Variants in TMEFF2 observed in about 807,000 individuals in gnomAD.
The protein encoded by TMEFF2 is tomoregulin-2.
Under a neutral mutation model 53.8 loss-of-function variants are expected in TMEFF2, and 28 were observed. The observed-to-expected ratio is 0.52, with a 90% confidence interval of 0.39 to 0.71. TMEFF2 has a LOEUF of 0.71. TMEFF2 is among the 30% of genes least tolerant of loss of function. TMEFF2 has a pLI of 0.00. For synonymous variants in TMEFF2, 162 were observed against 166.3 expected (o/e 0.97, Z 0.20); for missense variants, 353 against 455.2 (o/e 0.78, Z 2.04).
At chr2:192,147,869 T>C (rs1440142871) in intron 4 of TMEFF2, among the ~76,000 whole-genome samples, 1 of 152,034 alleles carries the variant, frequency 6.6e-6, no homozygotes, top group Non-Finnish European at 1.5e-5. Context: ...GATACAGTAG[T>C]GTATTAACAT....
intron 4 of TMEFF2, among the ~76,000 whole-genome samples, chr2:192,153,520 G>T (rs887178957): frequency 6.6e-6 from 1 of 151,822 alleles, no homozygotes; most frequent in Non-Finnish European, 1.5e-5. Flanking sequence ...TACCCTGTTT[G>T]TGATAGAGCA....
intron 5 of TMEFF2, among the ~76,000 whole-genome samples, chr2:192,000,867 A>G (rs886258212): frequency 6.6e-6 from 1 of 152,198 alleles, no homozygotes; most frequent in Admixed American, 6.5e-5. Flanking sequence ...AACCATCTCT[A>G]AACACTTAAC....
chr2:191,963,435 C>G (rs1183928441), intron 7 of TMEFF2, among the ~76,000 whole-genome samples: 1 of 152,150 alleles, frequency 6.6e-6, no homozygotes, highest in Non-Finnish European at 1.5e-5. Context: ...CCCATCTACT[C>G]TAGTCTTCTG....
intron 7 of TMEFF2, among the ~76,000 whole-genome samples, chr2:191,968,651 A>G (rs1692536402): frequency 1.3e-5 from 2 of 152,104 alleles, no homozygotes; most frequent in African/African-American, 4.8e-5. Flanking sequence ...AGTGGATTAA[A>G]CCAAATTATA....
At chr2:192,002,476 AT>A (rs55957603) in intron 5 of TMEFF2, among the ~76,000 whole-genome samples, 2,759 of 144,514 alleles carry the variant, frequency 0.019, 26 homozygotes, top group South Asian at 0.03. Context: ...TATGGAGAAT[AT>A]TTTTTTTTTT....
At chr2:192,170,401 A>G (rs1203390136) in intron 4 of TMEFF2, among the ~76,000 whole-genome samples, 1 of 152,084 alleles carries the variant, frequency 6.6e-6, no homozygotes. Context: ...TGTTGCCAGG[A>G]CCAAATATAT....
chr2:191,956,446 A>G lies in TMEFF2; in HGVS notation c.746-68T>C, dbSNP rs1162970638. The stretch of plus-strand genomic sequence containing the variant: ...GCCTGGTAAGATCAACCAGTACATT[A>G]AGAAGCAAAGCTATGGTAGGCAAAG... On this transcript the variant is annotated intron_variant, in intron 7 of 9. Transcript: ENST00000272771. The G allele has an allele frequency of 4.6e-6, 7 of 1,522,350 alleles. No individual in the cohort carries two copies. In the African/African-American group the frequency reaches 9.7e-5, roughly 21 times the overall value. 94.3% of individuals were successfully genotyped at this position (1,522,350 alleles called of 1,614,324 possible).
At chr2:192,035,509 C>T (rs1052863643) in intron 5 of TMEFF2, 1 of 152,096 alleles carries the variant, frequency 6.6e-6, no homozygotes, top group Non-Finnish European at 1.5e-5. Context: ...GTTTTTTCTT[C>T]TATGGTTTAT....
At chr2:192,133,323 C>G (rs979093834) in intron 4 of TMEFF2, among the ~76,000 whole-genome samples, 7 of 152,100 alleles carry the variant, frequency 4.6e-5, no homozygotes, top group Admixed American at 2.6e-4. Context: ...TAAGATACCT[C>G]TACTCCTTCC....
chr2:192,103,352 C>T (rs1188769532), intron 4 of TMEFF2, among the ~76,000 whole-genome samples: 1 of 152,104 alleles, frequency 6.6e-6, no homozygotes, highest in Non-Finnish European at 1.5e-5. Flanking sequence ...GATTTTTTCT[C>T]ATATCCTGTT....
intron 4 of TMEFF2, among the ~76,000 whole-genome samples, chr2:192,103,116 A>G (rs1689070989): frequency 6.6e-6 from 1 of 152,094 alleles, no homozygotes; most frequent in Non-Finnish European, 1.5e-5. Context: ...TCTATCAATG[A>G]TACTCACTGT....
At position 192,194,314 on chromosome 2, in the gene TMEFF2, G is replaced by C; in HGVS notation, c.172+39C>G. On this transcript the variant is annotated intron_variant, in intron 1 of 9. Coordinates refer to ENST00000272771, the MANE Select transcript of TMEFF2 (RefSeq NM_016192.4). The surrounding 1 kb of genome is among the most constrained non-coding windows in gnomAD (Gnocchi z 4.2). ...CTGTGCTGGATACGCGTGTTCTTCT[G>C]CGGAGTTAAAGGGTCGGGGACGGGG... is the stretch of plus-strand genomic sequence containing the variant. The C allele has an allele frequency of 6.2e-7, 1 of 1,608,956 alleles. No homozygotes were observed. Among genetic ancestry groups the C allele is most frequent in the Non-Finnish European group, 8.5e-7 (1 of 1,176,506 alleles).
chr2:191,963,633 A>G (rs58730868), intron 7 of TMEFF2, among the ~76,000 whole-genome samples: 4,154 of 152,294 alleles, frequency 0.027, 177 homozygotes, highest in African/African-American at 0.08. Flanking sequence ...TCTGAATAAC[A>G]CAGATAGAAC....
chr2:192,184,447 C>A lies in TMEFF2; in HGVS notation c.319G>T (p.Gly107Trp). 1 of 1,613,308 alleles carries A rather than the reference C, an allele frequency of 6.2e-7. No individual in the cohort carries two copies. The highest frequency in any genetic ancestry group is 8.5e-7 in the Non-Finnish European group (1 of 1,179,462). Reference sequence around the variant, plus strand: ...TAACACTCATTCTGGTAGCTCTCCCCATTGGAGCCACACACAGGCACATAG... The same window carrying A: ...TAACACTCATTCTGGTAGCTCTCCCAATTGGAGCCACACACAGGCACATAG... ...NDYVPVCGSN[G>W]ESYQNECYLR... The change falls in exon 3 of 10, where the codon GGG (glycine) becomes TGG (tryptophan). Residue 107 changes from glycine (G) to tryptophan (W), a missense_variant. By Grantham distance (184) the Gly-to-Trp change is radical. Transcript: ENST00000272771.
intron 3 of TMEFF2, among the ~76,000 whole-genome samples, chr2:192,183,378 A>G (rs1291733164): frequency 2.6e-5 from 4 of 151,960 alleles, no homozygotes; most frequent in Non-Finnish European, 5.9e-5. Context: ...TTTTAACATC[A>G]TACACTAGAT....
chr2:192,110,586 C>T (rs1689250278), intron 4 of TMEFF2, among the ~76,000 whole-genome samples: 1 of 152,164 alleles, frequency 6.6e-6, no homozygotes, highest in South Asian at 2.1e-4. Flanking sequence ...CATTTATCAA[C>T]TATTTACCAT....
At chr2:192,008,516 T>C (rs1180967977) in intron 5 of TMEFF2, among the ~76,000 whole-genome samples, 1 of 152,192 alleles carries the variant, frequency 6.6e-6, no homozygotes, top group East Asian at 1.9e-4. Flanking sequence ...CATGTGTATG[T>C]GCTTGCTCAT....
At chr2:192,131,584 T>A (rs1242496982) in intron 4 of TMEFF2, among the ~76,000 whole-genome samples, 1 of 151,694 alleles carries the variant, frequency 6.6e-6, no homozygotes, top group South Asian at 2.1e-4. Context: ...TGTGCCCCAA[T>A]CCCTTATTTC....
rs75449261 is a variant in TMEFF2, at chr2:191,949,536, A to T, written c.*775T>A. ...TGGTAATTCCACCCACCTAAATGGA[A>T]TATATTTTGCCACTCTGTGTATACC... On this transcript the variant is annotated 3_prime_UTR_variant, in exon 10 of 10. Transcript: ENST00000272771. 95 of 985,390 alleles carry T rather than the reference A, an allele frequency of 9.6e-5. 1 individual carries two copies. In the East Asian group the frequency reaches 7.7e-3, roughly 80 times the overall value. 61.0% of individuals were successfully genotyped at this position (985,390 alleles called of 1,614,324 possible).
Sources: gnomAD v4.1 joint callset for allele counts (sites outside exome capture counted in the v4.1 genomes callset) on GRCh38, gnomAD v4.1.1 for gene constraint, Gnocchi (gnomAD v3.1) non-coding constraint, MANE v1.5 for transcripts, NCBI Gene and HGNC (gene_info 2026-07-23, HGNC 2026-07-21) for gene names.